GLG1: variants seen among roughly 807,000 people sequenced by gnomAD.
The protein encoded by GLG1 is Golgi apparatus protein 1.
A neutral mutation model predicts 160.5 loss-of-function variants in GLG1; 38 were observed. The ratio of observed to expected loss-of-function variants is 0.24; its 90% CI spans 0.18 to 0.31. GLG1 has a LOEUF of 0.31. GLG1 is among the 10% of genes least tolerant of loss of function. GLG1 has a pLI of 1.00. For synonymous variants in GLG1, 644 were observed against 543.4 expected (o/e 1.19, Z -2.57); for missense variants, 1,373 against 1,505.2 (o/e 0.91, Z 1.45).
At chr16:74,552,797 A>AC (rs2018238966) in intron 1 of GLG1, 1 of 152,132 alleles carries the variant, frequency 6.6e-6, no homozygotes, top group South Asian at 2.1e-4. Context: ...AGAAAAAAAA[A>AC]TGCAGGTCCT....
At chr16:74,600,947 T>C (rs1958426873) in intron 1 of GLG1, among the ~76,000 whole-genome samples, 1 of 152,132 alleles carries the variant, frequency 6.6e-6, no homozygotes, top group Non-Finnish European at 1.5e-5. Flanking sequence ...CTGTAAGCAA[T>C]GGTGGTGTCT....
intron 1 of GLG1, among the ~76,000 whole-genome samples, chr16:74,546,448 A>C (rs1169645082): frequency 6.6e-6 from 1 of 152,168 alleles, no homozygotes; most frequent in Non-Finnish European, 1.5e-5. Flanking sequence ...CTGTCTTAAC[A>C]AATTAATTAA....
intron 1 of GLG1, among the ~76,000 whole-genome samples, chr16:74,571,010 C>T (rs1038997424): frequency 6.6e-6 from 1 of 151,684 alleles, no homozygotes; most frequent in African/African-American, 2.4e-5. Flanking sequence ...TGAATCTGGG[C>T]ATGGCTACCT....
At chr16:74,486,076 A>G (rs1449805484) in intron 8 of GLG1, among the ~76,000 whole-genome samples, 159 bp from the exon 9 acceptor site, 1 of 152,218 alleles carries the variant, frequency 6.6e-6, no homozygotes, top group Non-Finnish European at 1.5e-5. Flanking sequence ...CATTTGCCAA[A>G]TACTTTTCCA....
intron 6 of GLG1, among the ~76,000 whole-genome samples, chr16:74,494,368 T>C (rs958671977): frequency 1.3e-5 from 2 of 150,850 alleles, no homozygotes; most frequent in Non-Finnish European, 2.9e-5. Flanking sequence ...CGGTATAAGA[T>C]TATAAGAAAT....
At chr16:74,476,625 G>C (rs904247132) in intron 12 of GLG1, among the ~76,000 whole-genome samples, 2 of 152,166 alleles carry the variant, frequency 1.3e-5, no homozygotes, top group African/African-American at 4.8e-5. Context: ...TCAGATGGAA[G>C]ACAGCTAGCT....
At chr16:74,480,815 G>C (rs1175900250) in intron 10 of GLG1, among the ~76,000 whole-genome samples, 4 of 152,106 alleles carry the variant, frequency 2.6e-5, no homozygotes, top group Admixed American at 6.6e-5. Context: ...GCCTCTCAAA[G>C]TGCTGGGATT....
At chr16:74,549,942 C>G (rs2018152118) in intron 1 of GLG1, among the ~76,000 whole-genome samples, 1 of 145,666 alleles carries the variant, frequency 6.9e-6, no homozygotes, top group South Asian at 2.2e-4. Context: ...AGCAAAACCC[C>G]AAATGTGCCA....
At chr16:74,589,291 T>G (rs1001312074) in intron 1 of GLG1, among the ~76,000 whole-genome samples, 1 of 151,522 alleles carries the variant, frequency 6.6e-6, no homozygotes, top group Non-Finnish European at 1.5e-5. Context: ...TTAAACCATA[T>G]GAAAATGTTT....
intron 14 of GLG1, among the ~76,000 whole-genome samples, chr16:74,471,545 G>A (rs2143250112): frequency 6.6e-6 from 1 of 152,008 alleles, no homozygotes; most frequent in East Asian, 1.9e-4. Context: ...GCTGGCTTTT[G>A]GGACAATATC....
At position 74,470,044 on chromosome 16, in the gene GLG1, G is replaced by A. The variant is rs1427997458; in HGVS notation, c.2259C>T (p.Tyr753=). 2 of 1,609,520 alleles carry A rather than the reference G, an allele frequency of 1.2e-6. No homozygotes were observed. Among genetic ancestry groups the A allele is most frequent in the Non-Finnish European group, 1.7e-6 (2 of 1,176,050 alleles). The change falls in exon 16 of 26, where the codon TAC becomes TAT. Residue 753 remains tyrosine, a synonymous_variant. Transcript: ENST00000422840. ...CCTCCTTGCAGGCCATTTTAAACTT[G>A]TAAGAAAACCGAAAATCCTTCATCT... is the stretch of plus-strand genomic sequence containing the variant. ...LVQMKDFRFS[Y]KFKMACKEDV...
intron 6 of GLG1, among the ~76,000 whole-genome samples, chr16:74,494,034 G>A (rs928285054): frequency 2.6e-5 from 4 of 151,914 alleles, no homozygotes; most frequent in African/African-American, 9.7e-5. Context: ...AATTAGCTGG[G>A]CGTGTTGTCA....
chr16:74,604,617 A>T (rs984717914), intron 1 of GLG1, among the ~76,000 whole-genome samples: 5 of 152,270 alleles, frequency 3.3e-5, no homozygotes, highest in Non-Finnish European at 7.3e-5. Context: ...AACAGCAAAT[A>T]CAAAACATAT....
intron 3 of GLG1, among the ~76,000 whole-genome samples, chr16:74,503,964 T>C (rs1393298579): frequency 1.3e-5 from 2 of 152,234 alleles, no homozygotes; most frequent in Non-Finnish European, 2.9e-5. Flanking sequence ...CTGTTGTGCC[T>C]TCTAGAAAAA....
At chr16:74,457,753 T>C in intron 24 of GLG1, 121 bp downstream of exon 24, 1 of 849,812 alleles carries the variant, frequency 1.2e-6, no homozygotes, top group Non-Finnish European at 1.8e-6. Context: ...GAATGTTGTC[T>C]ATGACTGGGC....
rs114678783 is a variant in GLG1, at chr16:74,487,733, T to C, written c.1450-1816A>G. The stretch of plus-strand genomic sequence containing the variant: ...AAGAACTGTATCAGTTAAATATCCA[T>C]GACTGACAGGCAAACGTCAAGAAAC... On this transcript the variant is annotated intron_variant, in intron 8 of 25. Coordinates refer to ENST00000422840, the MANE Select transcript of GLG1 (RefSeq NM_001145667.2). Among the ~76,000 whole-genome samples, 1,061 of 152,260 alleles carry C rather than the reference T, an allele frequency of 7.0e-3. 14 individuals are homozygous for C. The highest frequency in any genetic ancestry group is 0.024 in the African/African-American group (1,013 of 41,520).
At position 74,449,153 on chromosome 16, in the gene GLG1, G is replaced by C. The variant is rs1040349562; in HGVS notation, c.*4014C>G. ...ATTACGGCCAAAATTTAGGCTGACT[G>C]TTCTAGGGCTGGCTGACTTCCAAGG... On this transcript the variant is annotated 3_prime_UTR_variant, in exon 26 of 26. Transcript: ENST00000422840. The C allele has an allele frequency of 2.0e-5, 3 of 152,302 alleles. No individual in the cohort carries two copies. The highest frequency in any genetic ancestry group is 4.8e-5 in the African/African-American group (2 of 41,448). 9.4% of individuals were successfully genotyped at this position (152,302 alleles called of 1,614,324 possible).
At chr16:74,577,755 C>T (rs775144006) in intron 1 of GLG1, among the ~76,000 whole-genome samples, 4 of 151,952 alleles carry the variant, frequency 2.6e-5, no homozygotes, top group Non-Finnish European at 5.9e-5. Flanking sequence ...GGACCACAGG[C>T]ACTACCAGCC....
At chr16:74,569,732 G>T (rs2018769335) in intron 1 of GLG1, among the ~76,000 whole-genome samples, 1 of 151,834 alleles carries the variant, frequency 6.6e-6, no homozygotes, top group Non-Finnish European at 1.5e-5. Context: ...GCATGGTGGG[G>T]CTCACCTGTA....
Sources: gnomAD v4.1 joint callset for allele counts (sites outside exome capture counted in the v4.1 genomes callset) on GRCh38, gnomAD v4.1.1 for gene constraint, MANE v1.5 for transcripts, NCBI Gene and HGNC (gene_info 2026-07-23, HGNC 2026-07-21) for gene names.